SYCP2L: variants seen among roughly 807,000 people sequenced by gnomAD.
SYCP2L encodes the protein synaptonemal complex protein 2 like.
A neutral mutation model predicts 125.8 loss-of-function variants in SYCP2L; 98 were observed. The ratio of observed to expected loss-of-function variants is 0.78; its 90% CI spans 0.66 to 0.92. The LOEUF (loss-of-function observed/expected upper bound fraction) is 0.92. Among genes scored for constraint, SYCP2L ranks in the 40% least tolerant of loss-of-function variants. The pLI, the probability that SYCP2L is intolerant of heterozygous loss-of-function variation, is 0.00. For synonymous variants in SYCP2L, 317 were observed against 325.4 expected (o/e 0.97, Z 0.28); for missense variants, 842 against 936.4 (o/e 0.90, Z 1.32).
At chr6:10,970,037 G>A (rs1561705064) in intron 29 of SYCP2L, among the ~76,000 whole-genome samples, 1 of 152,178 alleles carries the variant, frequency 6.6e-6, no homozygotes, top group Non-Finnish European at 1.5e-5. Flanking sequence ...ACATTCTATA[G>A]GATTGAGTGT....
chr6:10,912,917 C>T lies in SYCP2L; in HGVS notation c.1062C>T (p.Phe354=). 1 of 1,613,592 alleles carries T rather than the reference C, an allele frequency of 6.2e-7. No individual in the cohort carries two copies. Among genetic ancestry groups the T allele is most frequent in the Non-Finnish European group, 8.5e-7 (1 of 1,179,920 alleles). ...VTLPKEAVMN[F]SITETEKIKI... is the part of the protein sequence containing the mutation. ...TTCCGAAGGAAGCGGTGATGAATTTCAGCATAACAGGTAATATGATACATT... is the reference window on the plus strand; with the variant it reads ...TTCCGAAGGAAGCGGTGATGAATTTTAGCATAACAGGTAATATGATACATT... The change falls in exon 14 of 30, where the codon TTC becomes TTT. Residue 354 remains phenylalanine, a synonymous_variant. Transcript: ENST00000283141. This position sits in a 1 kb window ranked among gnomAD's most constrained non-coding sequence, Gnocchi z 4.1.
chr6:10,908,440 CT>C (rs546899480), intron 10 of SYCP2L, among the ~76,000 whole-genome samples: 11 of 150,298 alleles, frequency 7.3e-5, no homozygotes, highest in South Asian at 2.1e-4. Flanking sequence ...AGAAACAATA[CT>C]TTTTTTTTTC....
chr6:10,967,454 G>GGGGTGGGT (rs56098075), intron 29 of SYCP2L, among the ~76,000 whole-genome samples: 4 of 138,838 alleles, frequency 2.9e-5, no homozygotes, highest in Non-Finnish European at 4.7e-5. Flanking sequence ...TGGGGTAGAG[G>GGGGTGGGT]GTGTGTGTGT....
intron 29 of SYCP2L, among the ~76,000 whole-genome samples, chr6:10,965,861 C>T (rs1427043208): frequency 6.6e-6 from 1 of 152,126 alleles, no homozygotes; most frequent in Admixed American, 6.5e-5. Context: ...GCCTATAATC[C>T]CAGCACTTTG....
At chr6:10,894,379 C>T (rs916832735) in intron 4 of SYCP2L, among the ~76,000 whole-genome samples, 175 bp downstream of exon 4, 1 of 152,168 alleles carries the variant, frequency 6.6e-6, no homozygotes, top group Non-Finnish European at 1.5e-5. Flanking sequence ...CATACATTTC[C>T]TGATGTACCT....
At chr6:10,960,412 C>T (rs76073938) in intron 26 of SYCP2L, among the ~76,000 whole-genome samples, 168 of 152,180 alleles carry the variant, frequency 1.1e-3, no homozygotes, top group African/African-American at 3.8e-3. Flanking sequence ...TGGGCAATGT[C>T]GGATACCAGG....
At chr6:10,923,156 G>A (rs1039983148) in intron 14 of SYCP2L, among the ~76,000 whole-genome samples, 1 of 151,510 alleles carries the variant, frequency 6.6e-6, no homozygotes, top group African/African-American at 2.4e-5. Flanking sequence ...CTTGTTTCCC[G>A]TCTCATTAAT....
chr6:10,898,255 C>G (rs1371211811), intron 5 of SYCP2L, 140 bp downstream of exon 5: 1 of 640,012 alleles, frequency 1.6e-6, no homozygotes, highest in Non-Finnish European at 2.7e-6. Context: ...TGGTTCACAC[C>G]TGTAATCCCA....
At chr6:10,955,905 C>T (rs549971117) in intron 24 of SYCP2L, among the ~76,000 whole-genome samples, 2 of 152,154 alleles carry the variant, frequency 1.3e-5, no homozygotes, top group Non-Finnish European at 2.9e-5. Context: ...ATTACAACAC[C>T]TTGGCCTGCT....
chr6:10,952,521 A>G (rs926856766), intron 23 of SYCP2L, among the ~76,000 whole-genome samples: 4 of 151,706 alleles, frequency 2.6e-5, no homozygotes, highest in Non-Finnish European at 5.9e-5. Context: ...CCAGGTATGC[A>G]TGGGGGTGGA....
chr6:10,949,589 A>G (rs1201616729), intron 23 of SYCP2L, among the ~76,000 whole-genome samples: 2 of 151,910 alleles, frequency 1.3e-5, no homozygotes, highest in African/African-American at 4.8e-5. Flanking sequence ...CCTTTGTTCT[A>G]TTTTATATGT....
intron 24 of SYCP2L, among the ~76,000 whole-genome samples, chr6:10,955,913 GCTT>G (rs1013362637): frequency 1.2e-4 from 18 of 152,282 alleles, no homozygotes; most frequent in African/African-American, 4.3e-4. Flanking sequence ...ACCTTGGCCT[GCTT>G]CTTAGACAAA....
intron 4 of SYCP2L, among the ~76,000 whole-genome samples, chr6:10,896,640 A>G (rs1366292346): frequency 6.6e-6 from 1 of 152,248 alleles, no homozygotes; most frequent in East Asian, 1.9e-4. Flanking sequence ...ATCTAGTATA[A>G]GTATTTGTCT....
chr6:10,907,823 A>G (rs1394080574), intron 10 of SYCP2L, 139 bp downstream of exon 10: 1 of 750,078 alleles, frequency 1.3e-6, no homozygotes, highest in Non-Finnish European at 2.1e-6. Flanking sequence ...CTTGTTTCTC[A>G]CTTAGGAGAA....
At chr6:10,906,310 A>G (rs879376138) in intron 9 of SYCP2L, among the ~76,000 whole-genome samples, 6 of 136,384 alleles carry the variant, frequency 4.4e-5, no homozygotes, top group Non-Finnish European at 9.0e-5. Flanking sequence ...GTTTTTAAAG[A>G]AAAAAAAAAC....
intron 8 of SYCP2L, 134 bp downstream of exon 8, chr6:10,903,097 G>T: frequency 1.4e-6 from 1 of 724,066 alleles, no homozygotes; most frequent in Non-Finnish European, 2.3e-6. Flanking sequence ...CACCTATTAT[G>T]TGTCAGGCAC....
rs538756071 is a variant in SYCP2L, at chr6:10,968,058, T to A, written c.*37+4215T>A. On this transcript the variant is annotated intron_variant, in intron 29 of 29. Transcript: ENST00000283141. ...GGAAAGAGAAATAGAAGCCAGTTCC[T>A]TCGATGGACCAGTTATAAAGTAATG... Among the ~76,000 whole-genome samples, 5 of 152,250 alleles carry A rather than the reference T, an allele frequency of 3.3e-5. No individual in the cohort carries two copies. In the South Asian group the frequency reaches 1.0e-3, roughly 32 times the overall value.
At chr6:10,895,842 G>A (rs13208635) in intron 4 of SYCP2L, among the ~76,000 whole-genome samples, 21 of 151,578 alleles carry the variant, frequency 1.4e-4, no homozygotes, top group Admixed American at 7.2e-4. Context: ...AAGTGTGCTC[G>A]GAAGTTCTTC....
intron 9 of SYCP2L, 25 bp from the exon 10 acceptor site, chr6:10,907,517 T>C: frequency 1.9e-6 from 3 of 1,594,006 alleles, no homozygotes; most frequent in African/African-American, 1.4e-5. Flanking sequence ...GAATTATCTA[T>C]GTCTACTATG....
Sources: gnomAD v4.1 joint callset for allele counts (sites outside exome capture counted in the v4.1 genomes callset) on GRCh38, gnomAD v4.1.1 for gene constraint, Gnocchi (gnomAD v3.1) non-coding constraint, MANE v1.5 for transcripts, NCBI Gene and HGNC (gene_info 2026-07-23, HGNC 2026-07-21) for gene names.